Variants in CDH8 observed in about 807,000 individuals in gnomAD.
CDH8 encodes cadherin-8.
CDH8 carries 17 observed loss-of-function variants against 68.1 expected under a neutral mutation model. The ratio of observed to expected loss-of-function variants is 0.25; its 90% CI spans 0.17 to 0.37. The LOEUF (loss-of-function observed/expected upper bound fraction) is 0.37, where lower values mean the gene tolerates loss of function less well. Among genes scored for constraint, CDH8 ranks in the 10% least tolerant of loss-of-function variants. The pLI, the probability that CDH8 is intolerant of heterozygous loss-of-function variation, is 1.00. For missense variants in CDH8, 763 were observed against 999.3 expected (o/e 0.76, Z 3.19); for synonymous variants, 372 against 365.1 (o/e 1.02, Z -0.21).
intron 2 of CDH8, among the ~76,000 whole-genome samples, chr16:61,928,170 G>A (rs79436359): frequency 0.02 from 2,988 of 152,270 alleles, 51 homozygotes; most frequent in Non-Finnish European, 0.033. Context: ...GGCAAAACAA[G>A]TAGTCCCAAC....
chr16:61,813,290 G>A (rs541926721), intron 7 of CDH8, among the ~76,000 whole-genome samples: 1 of 152,200 alleles, frequency 6.6e-6, no homozygotes, highest in Admixed American at 6.5e-5. Flanking sequence ...AGAAAGGACT[G>A]GGGATAGGCA....
At chr16:61,737,015 C>A (rs781622692) in intron 8 of CDH8, among the ~76,000 whole-genome samples, 1 of 152,126 alleles carries the variant, frequency 6.6e-6, no homozygotes, top group Non-Finnish European at 1.5e-5. Context: ...GCTGAAATAG[C>A]ATCTGGTATA....
At chr16:61,711,800 G>T (rs1317932141) in intron 10 of CDH8, 1 of 151,536 alleles carries the variant, frequency 6.6e-6, no homozygotes, top group African/African-American at 2.4e-5. Flanking sequence ...AGGCAGTCCT[G>T]GTTTATGGTG....
intron 8 of CDH8, among the ~76,000 whole-genome samples, chr16:61,743,926 T>A (rs551070408): frequency 2.2e-4 from 33 of 152,264 alleles, no homozygotes; most frequent in Non-Finnish European, 3.7e-4. Flanking sequence ...ATGGGTTATT[T>A]AGAAGTGTGT....
At chr16:61,935,845 A>T (rs1964619224) in intron 2 of CDH8, among the ~76,000 whole-genome samples, 1 of 152,180 alleles carries the variant, frequency 6.6e-6, no homozygotes, top group African/African-American at 2.4e-5. Context: ...GTCAGTGTGG[A>T]AAGCTGTTCA....
chr16:61,673,425 A>G (rs2142783261), intron 10 of CDH8, among the ~76,000 whole-genome samples: 1 of 152,234 alleles, frequency 6.6e-6, no homozygotes, highest in Middle Eastern at 3.4e-3. Flanking sequence ...ATAATCTGAT[A>G]TAAGTCAACT....
chr16:61,960,011 TATATAC>T lies in CDH8; in HGVS notation c.253-58544_253-58539del, dbSNP rs1365564347. Among the ~76,000 whole-genome samples, 174 of 82,430 alleles carry T rather than the reference TATATAC, an allele frequency of 2.1e-3. 8 individuals carry two copies. Among genetic ancestry groups the T allele is most frequent in the African/African-American group, 7.2e-3 (85 of 11,748 alleles). The allele number at this position is 82,430 out of a possible 152,430, so 54.1% of individuals were successfully genotyped here. A position where few individuals can be genotyped will look rare whatever the true frequency, so the allele number is the denominator to read the frequency against. On this transcript the variant is annotated intron_variant, in intron 2 of 11. Transcript: ENST00000577390. ...ATATATATATATATATATATATATA[TATATAC>T]ACACATACACACACACACACAACAT...
intron 2 of CDH8, among the ~76,000 whole-genome samples, chr16:61,957,690 A>G (rs564679951): frequency 7.3e-4 from 111 of 152,316 alleles, no homozygotes; most frequent in Non-Finnish European, 1.4e-3. Context: ...AAATTTTCCC[A>G]TAACACAGAT....
chr16:61,749,674 A>G (rs1960109363), intron 8 of CDH8, among the ~76,000 whole-genome samples: 1 of 152,052 alleles, frequency 6.6e-6, no homozygotes, highest in Non-Finnish European at 1.5e-5. Flanking sequence ...AGCAAACTGC[A>G]GTGCTGAAAG....
intron 2 of CDH8, among the ~76,000 whole-genome samples, chr16:61,972,228 A>G (rs1172327783): frequency 6.6e-6 from 1 of 152,194 alleles, no homozygotes; most frequent in Admixed American, 6.5e-5. Flanking sequence ...GCCCTTTGCC[A>G]TGATTGTGAG....
At chr16:61,743,211 C>T (rs1348191084) in intron 8 of CDH8, 2 of 152,084 alleles carry the variant, frequency 1.3e-5, no homozygotes, top group East Asian at 3.9e-4. Flanking sequence ...CTTGGAAGCT[C>T]GACTACCCTA....
intron 3 of CDH8, among the ~76,000 whole-genome samples, chr16:61,897,081 T>A (rs1963880182): frequency 6.7e-6 from 1 of 148,354 alleles, no homozygotes. Context: ...ATATATATAA[T>A]ATAATATATA....
chr16:61,992,567 T>C (rs1286991083), intron 2 of CDH8, among the ~76,000 whole-genome samples: 2 of 151,918 alleles, frequency 1.3e-5, no homozygotes, highest in Non-Finnish European at 2.9e-5. Flanking sequence ...ATTGTGCACA[T>C]GTACCCTAAA....
intron 10 of CDH8, among the ~76,000 whole-genome samples, chr16:61,705,255 A>T (rs1397017388): frequency 6.6e-6 from 1 of 152,184 alleles, no homozygotes; most frequent in Admixed American, 6.5e-5. Flanking sequence ...TCTAGTTTCC[A>T]GGAGGCTTCA....
intron 10 of CDH8, among the ~76,000 whole-genome samples, chr16:61,662,732 G>C (rs954172433): frequency 1.3e-5 from 2 of 151,776 alleles, no homozygotes; most frequent in African/African-American, 2.4e-5. Flanking sequence ...GTAATCTAGA[G>C]GTGGTTAGAC....
rs545690999 is a variant in CDH8, at chr16:61,666,581, C to T, written c.1655-10860G>A. ...GAGGCAGAGTTAATGAAGGCACTTGCCAGGCAAATATTTATGGCAAAATAA... is the reference window on the plus strand; with the variant it reads ...GAGGCAGAGTTAATGAAGGCACTTGTCAGGCAAATATTTATGGCAAAATAA... On this transcript the variant is annotated intron_variant, in intron 10 of 11. Transcript: ENST00000577390. Among the ~76,000 whole-genome samples the T allele has an allele frequency of 3.9e-5, 6 of 152,062 alleles. No individual in the cohort carries two copies. In the South Asian group the frequency reaches 8.3e-4, roughly 21 times the overall value.
At chr16:61,959,130 A>G (rs1209418199) in intron 2 of CDH8, among the ~76,000 whole-genome samples, 2 of 151,678 alleles carry the variant, frequency 1.3e-5, no homozygotes, top group Admixed American at 1.3e-4. Context: ...CCCCATCTCC[A>G]TCTCTCACCT....
chr16:61,771,997 T>C (rs935512086), intron 8 of CDH8, among the ~76,000 whole-genome samples: 2 of 151,976 alleles, frequency 1.3e-5, no homozygotes, highest in Non-Finnish European at 2.9e-5. Flanking sequence ...TTCAGCATCA[T>C]TCCAGGCTTA....
intron 8 of CDH8, among the ~76,000 whole-genome samples, chr16:61,786,383 G>T (rs1961227569): frequency 2.1e-4 from 5 of 23,502 alleles, no homozygotes; most frequent in Admixed American, 6.6e-4. Flanking sequence ...AACTTACAAG[G>T]GATGTGAAGG....
Sources: gnomAD v4.1 joint callset for allele counts (sites outside exome capture counted in the v4.1 genomes callset) on GRCh38, gnomAD v4.1.1 for gene constraint, MANE v1.5 for transcripts, NCBI Gene and HGNC (gene_info 2026-07-23, HGNC 2026-07-21) for gene names.